The following DCAF8L2 variants were observed in gnomAD, a reference collection of about 807,000 sequenced individuals.
DCAF8L2 encodes the protein DDB1 and CUL4 associated factor 8 like 2, also known as DDB1- and CUL4-associated factor 8-like protein 2.
For synonymous variants in DCAF8L2, 200 were observed against 190.9 expected, an observed-to-expected ratio of 1.05 and a Z score of -0.39; for missense variants, 430 against 490.7, an observed-to-expected ratio of 0.88 and a Z score of 1.17.
At chrX:27,645,722 A>G (rs1470594578) in intron 2 of DCAF8L2, among the ~76,000 whole-genome samples, 2 of 111,800 alleles carry the variant, frequency 1.8e-5, no homozygotes, top group Non-Finnish European at 3.8e-5. Context: ...GCAAAATCTC[A>G]GGATACAAAA....
At chrX:27,565,630 ATTC>A in the DCAF8L2 span, among the ~76,000 whole-genome samples, 1 of 111,555 alleles carries the variant, frequency 9.0e-6, no homozygotes, top group Non-Finnish European at 1.9e-5. Context: ...ATTGGTATTA[ATTC>A]TTCTTTAAGT....
At chrX:27,536,176 A>G in the DCAF8L2 span, among the ~76,000 whole-genome samples, 7 of 112,224 alleles carry the variant, frequency 6.2e-5, no homozygotes, top group Non-Finnish European at 9.4e-5. Flanking sequence ...TTAACATTCT[A>G]TTTACTTCTA....
chrX:27,575,258 C>T, the DCAF8L2 span, among the ~76,000 whole-genome samples: 2 of 111,316 alleles, frequency 1.8e-5, no homozygotes, highest in African/African-American at 6.5e-5. Context: ...TCTCATCGTC[C>T]AGCCATTTGT....
chrX:27,718,750 G>C (rs182743919), intron 4 of DCAF8L2, among the ~76,000 whole-genome samples: 1 of 111,392 alleles, frequency 9.0e-6, no homozygotes, highest in African/African-American at 3.3e-5. Flanking sequence ...TGAAACATTG[G>C]TTATTCTTGG....
chrX:27,568,502 T>C, the DCAF8L2 span, among the ~76,000 whole-genome samples: 2 of 111,554 alleles, frequency 1.8e-5, no homozygotes, highest in African/African-American at 6.5e-5. Context: ...TACAAATCTA[T>C]TTTTTTCTCT....
chrX:27,617,396 G>A (rs1455810487), intron 1 of DCAF8L2, among the ~76,000 whole-genome samples: 1 of 110,082 alleles, frequency 9.1e-6, no homozygotes, highest in Non-Finnish European at 1.9e-5. Context: ...TCTCCCAATA[G>A]ATCCTGTTTT....
the DCAF8L2 span, among the ~76,000 whole-genome samples, chrX:27,556,884 A>G: frequency 8.9e-6 from 1 of 112,164 alleles, no homozygotes; most frequent in Non-Finnish European, 1.9e-5. Flanking sequence ...ATTGGTGAGA[A>G]TAGGAACAGG....
At chrX:27,536,668 G>A in the DCAF8L2 span, among the ~76,000 whole-genome samples, 3 of 110,166 alleles carry the variant, frequency 2.7e-5, no homozygotes, top group Non-Finnish European at 5.7e-5. Context: ...CTCTCAGCAA[G>A]GTGAGAGGGG....
At chrX:27,686,963 A>C (rs756590987) in intron 3 of DCAF8L2, among the ~76,000 whole-genome samples, 22 of 112,047 alleles carry the variant, frequency 2.0e-4, no homozygotes, top group African/African-American at 6.5e-4. Flanking sequence ...ATGAGAATCT[A>C]ATGCTGCCAC....
intron 2 of DCAF8L2, among the ~76,000 whole-genome samples, chrX:27,650,307 A>G (rs184525387): frequency 8.9e-6 from 1 of 111,741 alleles, no homozygotes; most frequent in African/African-American, 3.2e-5. Context: ...TGAATTTTAG[A>G]ATAGTTTTTA....
At chrX:27,546,076 C>G in the DCAF8L2 span, among the ~76,000 whole-genome samples, 1 of 111,917 alleles carries the variant, frequency 8.9e-6, no homozygotes, top group Non-Finnish European at 1.9e-5. Context: ...CCTATAAAAT[C>G]AAAAGGAAGT....
the DCAF8L2 span, among the ~76,000 whole-genome samples, chrX:27,501,896 A>G: frequency 9.0e-6 from 1 of 110,971 alleles, no homozygotes; most frequent in African/African-American, 3.3e-5. Context: ...GGCAGAGCTG[A>G]CTAAAGAAGG....
chrX:27,626,090 G>T (rs921603261), intron 1 of DCAF8L2, among the ~76,000 whole-genome samples: 1 of 111,869 alleles, frequency 8.9e-6, no homozygotes, highest in African/African-American at 3.2e-5. Flanking sequence ...CAGAGCCCAA[G>T]ATCTGAGTTC....
the DCAF8L2 span, among the ~76,000 whole-genome samples, chrX:27,479,858 C>T: frequency 2.7e-5 from 3 of 112,226 alleles, no homozygotes; most frequent in African/African-American, 9.7e-5. Flanking sequence ...AACAAAAATA[C>T]ACCCAAACAA....
chrX:27,567,071 C>G, the DCAF8L2 span, among the ~76,000 whole-genome samples: 1 of 111,315 alleles, frequency 9.0e-6, no homozygotes, highest in Non-Finnish European at 1.9e-5. Context: ...AATTTAGTTT[C>G]ACTCCACCGT....
chrX:27,493,706 C>CAAAAAAAAAAAAAAAA, the DCAF8L2 span, among the ~76,000 whole-genome samples: 1 of 18,395 alleles, frequency 5.4e-5, no homozygotes, highest in African/African-American at 1.4e-4. Context: ...AACTCCATCT[C>CAAAAAAAAAAAAAAAA]AAAAAAAAAA....
intron 2 of DCAF8L2, among the ~76,000 whole-genome samples, chrX:27,666,609 T>G (rs1602714222): frequency 8.9e-6 from 1 of 112,351 alleles, no homozygotes; most frequent in Non-Finnish European, 1.9e-5. Flanking sequence ...TTTTTCAATA[T>G]TATTTTGTAG....
chrX:27,537,524 T>G, the DCAF8L2 span, among the ~76,000 whole-genome samples: 1 of 112,512 alleles, frequency 8.9e-6, no homozygotes, highest in Non-Finnish European at 1.9e-5. Flanking sequence ...AAATACAATT[T>G]TAGCCATTTC....
the DCAF8L2 span, among the ~76,000 whole-genome samples, chrX:27,493,725 A>G: frequency 6.1e-5 from 2 of 32,581 alleles, no homozygotes; most frequent in South Asian, 3.0e-3. Flanking sequence ...AAAAAAAAAG[A>G]AAAAAAAAAA....
Sources: allele counts gnomAD v4.1 joint callset (sites outside exome capture counted in the v4.1 genomes callset), GRCh38; gene constraint gnomAD v4.1.1; transcripts MANE v1.5; gene names NCBI Gene and HGNC (gene_info 2026-07-23, HGNC 2026-07-21).